The following NALCN variants were observed in gnomAD, a reference collection of about 807,000 sequenced individuals.
The protein encoded by NALCN is sodium leak channel NALCN.
A neutral mutation model predicts 225.3 loss-of-function variants in NALCN; 111 were observed. The observed-to-expected ratio is 0.49, with a 90% confidence interval of 0.42 to 0.58. The LOEUF is 0.58. Among genes scored for constraint, NALCN ranks in the 20% least tolerant of loss-of-function variants. NALCN has a pLI of 0.00. For missense variants in NALCN, 1,378 were observed against 2,202.4 expected (o/e 0.63, Z 7.49); for synonymous variants, 764 against 769.0 (o/e 0.99, Z 0.11).
At chr13:101,182,160 T>C (rs1273354051) in intron 14 of NALCN, among the ~76,000 whole-genome samples, 1 of 128,936 alleles carries the variant, frequency 7.8e-6, no homozygotes, top group Admixed American at 8.0e-5. Flanking sequence ...AAAAAAAAGA[T>C]ATGTAATGTT....
chr13:101,388,215 ATATT>A (rs1312580601), intron 3 of NALCN, among the ~76,000 whole-genome samples: 1 of 152,178 alleles, frequency 6.6e-6, no homozygotes, highest in East Asian at 1.9e-4. Context: ...ATATTTAACT[ATATT>A]TAACTAAAAC....
chr13:101,319,189 A>C (rs2044659334), intron 7 of NALCN, among the ~76,000 whole-genome samples: 2 of 152,200 alleles, frequency 1.3e-5, no homozygotes, highest in Admixed American at 1.3e-4. Flanking sequence ...CCAGATATAG[A>C]AAGTGCTCAG....
chr13:101,099,558 A>T (rs193265120), intron 27 of NALCN, among the ~76,000 whole-genome samples: 1 of 152,208 alleles, frequency 6.6e-6, no homozygotes, highest in Non-Finnish European at 1.5e-5. Flanking sequence ...TAGTTTATAC[A>T]TCAGCAGTGG....
intron 7 of NALCN, among the ~76,000 whole-genome samples, chr13:101,330,509 A>C (rs958570514): frequency 2.6e-5 from 4 of 152,196 alleles, no homozygotes; most frequent in Non-Finnish European, 4.4e-5. Flanking sequence ...AAAAAGCAGA[A>C]TGTTGCTTGA....
chr13:101,324,225 G>C (rs2044860101), intron 7 of NALCN, among the ~76,000 whole-genome samples: 1 of 152,112 alleles, frequency 6.6e-6, no homozygotes, highest in Non-Finnish European at 1.5e-5. Context: ...TTGTAGAAGA[G>C]TAAATGATAG....
intron 9 of NALCN, among the ~76,000 whole-genome samples, chr13:101,291,246 A>T (rs2043540819): frequency 6.6e-6 from 1 of 152,220 alleles, no homozygotes; most frequent in African/African-American, 2.4e-5. Context: ...GTTTGTTCTG[A>T]ATGAAATATA....
intron 1 of NALCN, among the ~76,000 whole-genome samples, chr13:101,413,102 T>A (rs781423038): frequency 6.6e-6 from 1 of 152,206 alleles, no homozygotes; most frequent in Non-Finnish European, 1.5e-5. Flanking sequence ...CAACACTTTT[T>A]GTAAAAGGGT....
intron 9 of NALCN, among the ~76,000 whole-genome samples, chr13:101,286,655 T>C (rs2043348122): frequency 6.6e-6 from 1 of 152,224 alleles, no homozygotes; most frequent in South Asian, 2.1e-4. Flanking sequence ...TGCAACTGAA[T>C]GTAACTTAAC....
chr13:101,238,820 C>T (rs1229391599), intron 11 of NALCN, among the ~76,000 whole-genome samples: 1 of 151,814 alleles, frequency 6.6e-6, no homozygotes, highest in Non-Finnish European at 1.5e-5. Flanking sequence ...TGTGGAGTAT[C>T]AGAAGGGATT....
At chr13:101,258,622 G>T (rs774318892) in intron 10 of NALCN, 48 bp from the exon 11 acceptor site, 2 of 1,611,618 alleles carry the variant, frequency 1.2e-6, no homozygotes, top group Non-Finnish European at 1.7e-6. Flanking sequence ...TAAACCTCAT[G>T]ATTAAGTGTA....
rs549507742 is a variant in NALCN at position 101,074,254 on chromosome 13, G to A, written c.4103+260C>T. Among the ~76,000 whole-genome samples the A allele has an allele frequency of 1.8e-3, 276 of 152,268 alleles. 1 individual carries two copies. The highest frequency in any genetic ancestry group is 2.5e-3 in the Non-Finnish European group (170 of 68,020). ...GAATTAGGAGTGATGATTACTGAAT[G>A]TTGGTGGAATTATAGATTCTTTTTG... On this transcript the variant is annotated intron_variant, in intron 36 of 43. Coordinates refer to ENST00000251127, the MANE Select transcript of NALCN (RefSeq NM_052867.4).
chr13:101,160,179 C>T (rs1447724179), intron 15 of NALCN, among the ~76,000 whole-genome samples: 1 of 152,136 alleles, frequency 6.6e-6, no homozygotes, highest in Non-Finnish European at 1.5e-5. Flanking sequence ...TGGTCTCGAT[C>T]TCCTGACCTT....
intron 13 of NALCN, among the ~76,000 whole-genome samples, chr13:101,217,925 C>G (rs1418453461): frequency 6.6e-6 from 1 of 152,124 alleles, no homozygotes; most frequent in Non-Finnish European, 1.5e-5. Flanking sequence ...ACCTTGTTTG[C>G]ATGGGGAATA....
chr13:101,337,345 G>A (rs1012858126), intron 7 of NALCN, among the ~76,000 whole-genome samples: 2 of 151,334 alleles, frequency 1.3e-5, no homozygotes, highest in East Asian at 1.9e-4. Context: ...GTCTTGCTCT[G>A]TTGCCCAGGC....
intron 10 of NALCN, among the ~76,000 whole-genome samples, chr13:101,280,483 T>C (rs997163789): frequency 1.3e-5 from 2 of 152,156 alleles, no homozygotes; most frequent in Non-Finnish European, 2.9e-5. Context: ...ATTAATCCCT[T>C]GTTATTCTCA....
At chr13:101,230,889 T>G (rs1212618243) in intron 12 of NALCN, among the ~76,000 whole-genome samples, 3 of 151,124 alleles carry the variant, frequency 2.0e-5, no homozygotes, top group Non-Finnish European at 4.5e-5. Context: ...ATCGCATAAC[T>G]TTTGAGTCAA....
chr13:101,145,023 G>T (rs1342348333), intron 15 of NALCN, 127 bp from the exon 16 acceptor site: 1 of 1,030,488 alleles, frequency 9.7e-7, no homozygotes, highest in East Asian at 2.8e-5. Flanking sequence ...GGCAGCAAAG[G>T]CCTACCAAGT....
At chr13:101,194,223 C>A (rs980467142) in intron 13 of NALCN, among the ~76,000 whole-genome samples, 1 of 151,988 alleles carries the variant, frequency 6.6e-6, no homozygotes, top group Non-Finnish European at 1.5e-5. Flanking sequence ...CTGGGGTTAT[C>A]CTCTTTTCAT....
chr13:101,108,948 G>A (rs555555656), intron 20 of NALCN, among the ~76,000 whole-genome samples: 3 of 152,294 alleles, frequency 2.0e-5, no homozygotes, highest in Admixed American at 6.5e-5. Context: ...CTATGGAGAA[G>A]GTGGGAGATG....
Sources: allele counts gnomAD v4.1 joint callset (sites outside exome capture counted in the v4.1 genomes callset), GRCh38; gene constraint gnomAD v4.1.1; transcripts MANE v1.5; gene names NCBI Gene and HGNC (gene_info 2026-07-23, HGNC 2026-07-21).